STOML1: variants seen among roughly 807,000 people sequenced by gnomAD.
The protein encoded by STOML1 is stomatin like 1.
Under a neutral mutation model 35.7 loss-of-function variants are expected in STOML1, and 27 were observed. The ratio of observed to expected loss-of-function variants is 0.76; its 90% CI spans 0.56 to 1.04. STOML1 has a LOEUF of 1.04. Ranked by LOEUF, STOML1 falls within the 50% of genes least tolerant of loss-of-function variation. STOML1 has a pLI of 0.00. For missense variants in STOML1, 451 were observed against 527.1 expected, an observed-to-expected ratio of 0.86 and a Z score of 1.41; for synonymous variants, 219 against 227.9, an observed-to-expected ratio of 0.96 and a Z score of 0.35.
rs758888982 is a variant in STOML1, at chr15:73,988,623, CTT to C, written c.568_569del (p.Lys190AlafsTer82). 2 of 1,614,226 alleles carry C rather than the reference CTT, an allele frequency of 1.2e-6. No individual in the cohort carries two copies. Among genetic ancestry groups the C allele is most frequent in the African/African-American group, 2.7e-5 (2 of 75,046 alleles). On this transcript the variant is annotated frameshift_variant, in exon 4 of 7. Coordinates refer to ENST00000541638, the MANE Select transcript of STOML1 (RefSeq NM_004809.5). LOFTEE classifies it high-confidence loss of function. This position sits in a 1 kb window ranked among gnomAD's most constrained non-coding sequence, Gnocchi z 4.8. ...KRPLREIQME[K>X]LKISDQLLLE... ...CCAGAAGCTGGTCGCTGATCTTGAG[CTT>C]CTCCATCTGGATCTCCCGCAGCGGC...
In STOML1 at chr15:73,984,027, G is replaced by T. The variant is rs772283912; in HGVS notation, c.1107C>A (p.Pro369=). ...LRALLCRELR[P]LGAYMSGRLK... ...GCCGTCCACTCATGTAGGCCCCCAG[G>T]GGCCGCAGCTCTCTGCATAGCAGGG... The change falls in exon 7 of 7, where the codon CCC becomes CCA. Residue 369 remains proline (P), a synonymous_variant. Coordinates refer to ENST00000541638, the MANE Select transcript of STOML1 (RefSeq NM_004809.5). The T allele has an allele frequency of 3.1e-6, 5 of 1,613,914 alleles. No homozygotes were observed. Among genetic ancestry groups the T allele is most frequent in the Non-Finnish European group, 4.2e-6 (5 of 1,180,034 alleles).
rs2068973701 is a variant in STOML1, at chr15:73,982,608, G to A, written c.*1329C>T. 1 of 152,632 alleles carries A rather than the reference G, an allele frequency of 6.6e-6. No individual in the cohort carries two copies. The highest frequency in any genetic ancestry group is 1.5e-5 in the Non-Finnish European group (1 of 68,266). 9.5% of individuals were successfully genotyped at this position (152,632 alleles called of 1,614,324 possible). The stretch of plus-strand genomic sequence containing the variant: ...CACCCAGGAAGGGCAGAGACCCCTT[G>A]GGGGAGAGGGAAGTTGCGGTGCCAC... On this transcript the variant is annotated 3_prime_UTR_variant, in exon 7 of 7. Transcript: ENST00000541638.
At chr15:73,984,195 G>A in intron 6 of STOML1, 65 bp from the exon 7 acceptor site, 9 of 1,509,156 alleles carry the variant, frequency 6.0e-6, no homozygotes, top group Non-Finnish European at 8.1e-6. Context: ...GATCTATGGG[G>A]GTGGGAGGGG....
In STOML1 at chr15:73,988,794, A is replaced by G. The variant is rs748423935; in HGVS notation, c.399T>C (p.Ser133=). The part of the protein sequence containing the change: ...AFNVPPCKLA[S]KDGAVLSVGA... ...CCACGGACAGCACAGCCCCGTCCTT[A>G]GAGGCCAGCTGTTGGGGGAGGCCAT... Residue 133 remains serine (S), a synonymous_variant, in exon 4 of 7, where the codon TCT becomes TCC. Coordinates refer to ENST00000541638, the MANE Select transcript of STOML1 (RefSeq NM_004809.5). This position sits in a 1 kb window ranked among gnomAD's most constrained non-coding sequence, Gnocchi z 4.8. 3 of 1,611,172 alleles carry G rather than the reference A, an allele frequency of 1.9e-6. No homozygotes were observed. Among genetic ancestry groups the G allele is most frequent in the Non-Finnish European group, 2.5e-6 (3 of 1,177,642 alleles).
Position 73,988,687 on chromosome 15 carries a change from G to A in STOML1, c.506C>T (p.Thr169Ile), listed in dbSNP as rs749340402. The A allele has an allele frequency of 6.2e-7, 1 of 1,614,198 alleles. No individual in the cohort carries two copies. Among genetic ancestry groups the A allele is most frequent in the Non-Finnish European group, 8.5e-7 (1 of 1,180,034 alleles). Residue 169 changes from threonine to isoleucine, a missense_variant, in exon 4 of 7, where the codon ACA (threonine) becomes ATA (isoleucine). Transcript: ENST00000541638. This position sits in a 1 kb window ranked among gnomAD's most constrained non-coding sequence, Gnocchi z 4.8. ...VKDLNTATRMTAQNAMTKALL... is the reference protein window; with the variant it reads ...VKDLNTATRMIAQNAMTKALL... ...GGCCTTGGTCATGGCGTTCTGGGCT[G>A]TCATGCGTGTGGCTGTGTTCAGGTC...
At chr15:73,991,433 G>A (rs956260830) in intron 1 of STOML1, among the ~76,000 whole-genome samples, 6 of 152,264 alleles carry the variant, frequency 3.9e-5, no homozygotes, top group Non-Finnish European at 7.3e-5. Flanking sequence ...TTTGTGCCTG[G>A]CTCTGATCCA....
At chr15:73,985,095 C>A (rs2069048343) in intron 5 of STOML1, among the ~76,000 whole-genome samples, 3 of 152,234 alleles carry the variant, frequency 2.0e-5, no homozygotes, top group Admixed American at 2.0e-4. Context: ...ATATAAAATT[C>A]TTTCCAGCTG....
chr15:73,992,216 C>G lies in STOML1; in HGVS notation c.8G>C (p.Gly3Ala). ML[G>A]RSGYRALPLG... ...GGGCAGCGCCCGGTACCCAGACCTG[C>G]CGAGCATGGCTTTTGACAGGAGACA... The change falls in exon 1 of 7, where the codon GGC becomes GCC. Residue 3 changes from glycine to alanine, a missense_variant. By Grantham distance (60) the Gly-to-Ala change is moderately conservative. Transcript: ENST00000541638. 6.2e-7 allele frequency: 1 copy of G among 1,600,386 alleles called. No individual in the cohort carries two copies. Among genetic ancestry groups the G allele is most frequent in the South Asian group, 1.1e-5 (1 of 90,382 alleles).
chr15:73,991,585 G>A (rs890993231), intron 1 of STOML1: 10 of 456,922 alleles, frequency 2.2e-5, no homozygotes, highest in African/African-American at 2.0e-4. Flanking sequence ...AGACTTTGAG[G>A]GCAAGACAGA....
Position 73,979,848 on chromosome 15 carries a change from C to T in STOML1, c.*4089G>A, listed in dbSNP as rs1401873000. On this transcript the variant is annotated 3_prime_UTR_variant, in exon 7 of 7. Coordinates refer to ENST00000541638, the MANE Select transcript of STOML1 (RefSeq NM_004809.5). ...CCTGTAATCCTAGCAGTTAGCGGGCCAGGGCCAGGTGGGAGGATCACTTGA... is the reference window on the plus strand; with the variant it reads ...CCTGTAATCCTAGCAGTTAGCGGGCTAGGGCCAGGTGGGAGGATCACTTGA... 6 of 148,028 alleles carry T rather than the reference C, an allele frequency of 4.1e-5. No homozygotes were observed. The South Asian group carries it at 1.1e-3, about 26-fold the overall frequency. 9.2% of individuals were successfully genotyped at this position (148,028 alleles called of 1,614,324 possible). A position where few individuals can be genotyped will look rare whatever the true frequency, so the allele number is the denominator to read the frequency against.
rs2068935328 is a variant in STOML1, at chr15:73,979,339, CTT to C, written c.*4596_*4597del. ...ATTTGTCAAAGCACCTCAGATGACA[CTT>C]TTTATTTTATCTTTATTTATTTAAT... On this transcript the variant is annotated 3_prime_UTR_variant, in exon 7 of 7. Transcript: ENST00000541638. 1.3e-5 allele frequency: 2 copies of C among 152,068 alleles called. No individual in the cohort carries two copies. Among genetic ancestry groups the C allele is most frequent in the African/African-American group, 2.4e-5 (1 of 41,422 alleles). The allele number at this position is 152,068 out of a possible 1,614,324, so 9.4% of individuals were successfully genotyped here.
At position 73,979,917 on chromosome 15, in the gene STOML1, A is replaced by T. The variant is rs904027230; in HGVS notation, c.*4020T>A. The T allele has an allele frequency of 7.0e-5, 4 of 57,522 alleles. No individual in the cohort carries two copies. The highest frequency in any genetic ancestry group is 6.9e-4 in the African/African-American group (4 of 5,814). The allele number at this position is 57,522 out of a possible 1,614,324, so 3.6% of individuals were successfully genotyped here. A position where few individuals can be genotyped will look rare whatever the true frequency, so the allele number is the denominator to read the frequency against. On this transcript the variant is annotated 3_prime_UTR_variant, in exon 7 of 7. Coordinates refer to ENST00000541638, the MANE Select transcript of STOML1 (RefSeq NM_004809.5). ...AGCTTGAGAAGGCCCTGTCTCTACAAAAAAAAAAAAAAAAAAAAAGCCAGG... is the reference window on the plus strand; with the variant it reads ...AGCTTGAGAAGGCCCTGTCTCTACATAAAAAAAAAAAAAAAAAAAGCCAGG...
intron 2 of STOML1, among the ~76,000 whole-genome samples, chr15:73,989,873 G>A (rs1271151386): frequency 6.6e-6 from 1 of 152,106 alleles, no homozygotes; most frequent in Non-Finnish European, 1.5e-5. Flanking sequence ...CTACACAAAG[G>A]GCAAGGCCTC....
chr15:73,990,213 A>G, intron 2 of STOML1, 138 bp downstream of exon 2: 1 of 748,492 alleles, frequency 1.3e-6, no homozygotes, highest in Middle Eastern at 2.5e-4. Flanking sequence ...ATGTGAATGA[A>G]TGGTTCTTGC....
rs896929027 is a variant in STOML1 at position 73,988,797 on chromosome 15, G to A, written c.396C>T (p.Ala132=). 4.3e-6 allele frequency: 7 copies of A among 1,610,532 alleles called. No homozygotes were observed. The African/African-American group carries it at 9.3e-5, about 22-fold the overall frequency. Reference sequence around the variant, plus strand: ...CGGACAGCACAGCCCCGTCCTTAGAGGCCAGCTGTTGGGGGAGGCCATGAG... The same window carrying A: ...CGGACAGCACAGCCCCGTCCTTAGAAGCCAGCTGTTGGGGGAGGCCATGAG... ...RAFNVPPCKL[A]SKDGAVLSVG... is the part of the protein sequence containing the mutation. Residue 132 remains alanine (A), a synonymous_variant, in exon 4 of 7, where the codon GCC becomes GCT. Coordinates refer to ENST00000541638, the MANE Select transcript of STOML1 (RefSeq NM_004809.5). This position sits in a 1 kb window ranked among gnomAD's most constrained non-coding sequence, Gnocchi z 4.8.
At chr15:73,987,988 C>T (rs567123411) in intron 4 of STOML1, 1 of 152,400 alleles carries the variant, frequency 6.6e-6, no homozygotes, top group South Asian at 2.1e-4. Flanking sequence ...TGTCAGGACA[C>T]AAGAGGAAGC....
Position 73,990,436 on chromosome 15 carries a change from G to C in STOML1, c.155C>G (p.Ser52Cys), listed in dbSNP as rs771701785. 2 of 1,613,820 alleles carry C rather than the reference G, an allele frequency of 1.2e-6. No individual in the cohort carries two copies. Among genetic ancestry groups the C allele is most frequent in the Admixed American group, 3.3e-5 (2 of 60,002 alleles). Residue 52 changes from serine to cysteine, a missense_variant, in exon 2 of 7, where the codon TCC becomes TGC. Physicochemically the swap from Ser to Cys is moderately radical, Grantham distance 112. Transcript: ENST00000541638. Reference sequence around the variant, plus strand: ...ACTGATGAGGCCATGACAGAGGCAGGAGGGCCAGCTCTGGGGTACATCTGC... The same window carrying C: ...ACTGATGAGGCCATGACAGAGGCAGCAGGGCCAGCTCTGGGGTACATCTGC... ...TGADVPQSWP[S>C]CLCHGLISFL... is the part of the protein sequence containing the mutation.
chr15:73,984,578 GT>G, intron 6 of STOML1, 80 bp downstream of exon 6: 5 of 1,518,146 alleles, frequency 3.3e-6, no homozygotes, highest in Non-Finnish European at 3.6e-6. Context: ...GCAGGGGGCA[GT>G]CTACGAGAGC....
In STOML1 at chr15:73,988,758, G is replaced by A. The variant is rs781199331; in HGVS notation, c.435C>T (p.Val145=). The change falls in exon 4 of 7, where the codon GTC becomes GTT. Residue 145 remains valine, a synonymous_variant. Transcript: ENST00000541638. The surrounding 1 kb of genome is among the most constrained non-coding windows in gnomAD (Gnocchi z 4.8). ...DGAVLSVGAD[V]QFRIWDPVLS... Reference sequence around the variant, plus strand: ...GCACCGGGTCCCAGATGCGAAACTGGACATCGGCTCCCACGGACAGCACAG... The same window carrying A: ...GCACCGGGTCCCAGATGCGAAACTGAACATCGGCTCCCACGGACAGCACAG... The A allele has an allele frequency of 8.1e-6, 13 of 1,614,188 alleles. No homozygotes were observed. Among genetic ancestry groups the A allele is most frequent in the Non-Finnish European group, 1.1e-5 (13 of 1,180,032 alleles).
Sources: gnomAD v4.1 joint callset for allele counts (sites outside exome capture counted in the v4.1 genomes callset) on GRCh38, gnomAD v4.1.1 for gene constraint, Gnocchi (gnomAD v3.1) non-coding constraint, MANE v1.5 for transcripts, NCBI Gene and HGNC (gene_info 2026-07-23, HGNC 2026-07-21) for gene names.